The following ATP5MJ variants were observed in gnomAD, a reference collection of about 807,000 sequenced individuals.
ATP5MJ encodes ATP synthase membrane subunit j, also known as ATP synthase F(0) complex subunit j, mitochondrial.
A neutral mutation model predicts 8.3 loss-of-function variants in ATP5MJ; 4 were observed. The ratio of observed to expected loss-of-function variants is 0.48; its 90% confidence interval spans 0.24 to 1.11. The LOEUF is 1.11. Ranked by LOEUF, ATP5MJ falls within the 50% of genes least tolerant of loss-of-function variation. The pLI is 0.18. For synonymous variants in ATP5MJ, 23 were observed against 21.3 expected (o/e 1.08, Z -0.23); for missense variants, 66 against 71.8 (o/e 0.92, Z 0.29).
rs1048273278 is a variant in ATP5MJ at position 103,921,067 on chromosome 14, G to A, written c.-1+403C>T. ...CATGTACAGCATAACGTGGAGGGCA[G>A]TGTGGCGCAAGGAAACTTGAGTTAT... On this transcript the variant is annotated intron_variant, in intron 1 of 3. Coordinates refer to ENST00000286953, the MANE Select transcript of ATP5MJ (RefSeq NM_004894.3). The A allele has an allele frequency of 2.6e-6, 4 of 1,545,188 alleles. No individual in the cohort carries two copies. The African/African-American group carries it at 5.5e-5, about 21-fold the overall frequency.
intron 1 of ATP5MJ, among the ~76,000 whole-genome samples, chr14:103,916,321 G>A (rs780325287): frequency 6.6e-6 from 1 of 152,122 alleles, no homozygotes; most frequent in African/African-American, 2.4e-5. Context: ...ACTATAGACC[G>A]CAAATTAGAT....
chr14:103,912,829 A>T, intron 3 of ATP5MJ, 135 bp from the exon 4 acceptor site: 1 of 840,728 alleles, frequency 1.2e-6, no homozygotes, highest in Non-Finnish European at 1.9e-6. Context: ...ACTATTGAAA[A>T]GTAGGATTAT....
intron 1 of ATP5MJ, chr14:103,921,086 G>T: frequency 6.7e-7 from 1 of 1,500,296 alleles, no homozygotes; most frequent in South Asian, 1.2e-5. Context: ...AAGGAAACTT[G>T]AGTTATAAAG....
intron 1 of ATP5MJ, chr14:103,920,955 G>A: frequency 6.4e-7 from 1 of 1,551,434 alleles, no homozygotes; most frequent in South Asian, 1.2e-5. Flanking sequence ...ACTGGAAATG[G>A]GAAATGTCTG....
Position 103,917,458 on chromosome 14 carries a change from C to CTT in ATP5MJ, c.1-2271_1-2270dup, listed in dbSNP as rs11397437. ...TAAAACTGTTCTCTAAATTTAACAACTTTTTTTTTTTTTGCTTTAGGGTTT... is the reference window on the plus strand; with the variant it reads ...TAAAACTGTTCTCTAAATTTAACAACTTTTTTTTTTTTTTTGCTTTAGGGTTT... On this transcript the variant is annotated intron_variant, in intron 1 of 3. Transcript: ENST00000286953. 5.7e-3 allele frequency among the ~76,000 whole-genome samples: 829 copies of CTT among 146,498 alleles called. 9 individuals are homozygous for CTT. The highest frequency in any genetic ancestry group is 0.019 in the African/African-American group (784 of 40,450).
At chr14:103,919,835 C>CTT (rs568792205) in intron 1 of ATP5MJ, among the ~76,000 whole-genome samples, 2 of 145,564 alleles carry the variant, frequency 1.4e-5, no homozygotes, top group Admixed American at 6.8e-5. Flanking sequence ...AGGGCCCCCC[C>CTT]TTTTTTTTTT....
intron 3 of ATP5MJ, chr14:103,913,319 CA>C (rs201166675): frequency 0.03 from 3,826 of 126,924 alleles, 74 homozygotes; most frequent in East Asian, 0.073. Context: ...GACTCTGTCT[CA>C]AAAAAAAAAA....
intron 1 of ATP5MJ, among the ~76,000 whole-genome samples, chr14:103,918,393 G>C (rs1408239578): frequency 6.6e-6 from 1 of 151,144 alleles, no homozygotes; most frequent in Non-Finnish European, 1.5e-5. Context: ...ACGGAGTCTC[G>C]CTCTGTCACC....
intron 1 of ATP5MJ, among the ~76,000 whole-genome samples, chr14:103,917,016 A>G (rs1343229418): frequency 6.6e-6 from 1 of 152,162 alleles, no homozygotes; most frequent in Non-Finnish European, 1.5e-5. Flanking sequence ...CACTTGGCAA[A>G]TGTGCACTGA....
intron 1 of ATP5MJ, among the ~76,000 whole-genome samples, chr14:103,917,299 A>ATG (rs1371993160): frequency 5.3e-5 from 8 of 152,182 alleles, no homozygotes; most frequent in African/African-American, 1.9e-4. Flanking sequence ...GAATAACTCT[A>ATG]TGTCAAATGT....
chr14:103,914,895 A>AATG, intron 2 of ATP5MJ, 171 bp downstream of exon 2: 1 of 738,632 alleles, frequency 1.4e-6, no homozygotes, highest in Non-Finnish European at 2.1e-6. Flanking sequence ...ACTGTCCCCA[A>AATG]ATGTCTTTTA....
intron 2 of ATP5MJ, 199 bp from the exon 3 acceptor site, chr14:103,914,183 G>C: frequency 1.7e-6 from 1 of 595,984 alleles, no homozygotes; most frequent in Non-Finnish European, 2.9e-6. Context: ...TTTCAAATTT[G>C]CAGGGCTCCT....
intron 3 of ATP5MJ, chr14:103,913,472 G>A (rs926050615): frequency 4.4e-5 from 8 of 181,010 alleles, no homozygotes; most frequent in Middle Eastern, 2.2e-3. Flanking sequence ...TTAGCCAGGC[G>A]TGGCGGCAGG....
intron 1 of ATP5MJ, chr14:103,921,044 T>G: frequency 6.4e-7 from 1 of 1,551,542 alleles, no homozygotes; most frequent in Non-Finnish European, 8.7e-7. Flanking sequence ...CAAGTTGTCA[T>G]GTACAGCATA....
chr14:103,920,967 C>T (rs2087672884), intron 1 of ATP5MJ: 1 of 1,551,684 alleles, frequency 6.4e-7, no homozygotes, highest in Non-Finnish European at 8.7e-7. Context: ...AAATGTCTGA[C>T]CCGCGAGTTC....
intron 1 of ATP5MJ, chr14:103,918,196 GT>G (rs1333015121): frequency 6.6e-6 from 1 of 152,312 alleles, no homozygotes; most frequent in African/African-American, 2.4e-5. Flanking sequence ...CAGACTAGGA[GT>G]TCAGAGGCAT....
chr14:103,919,869 C>T (rs1233065456), intron 1 of ATP5MJ, among the ~76,000 whole-genome samples: 1 of 151,452 alleles, frequency 6.6e-6, no homozygotes, highest in East Asian at 1.9e-4. Context: ...AGTTGGTCAT[C>T]AGGCTGGAGT....
rs2087679256 is a variant in ATP5MJ, at chr14:103,921,527, G to A, written c.-58C>T. ...ACAAATCTGCAGCCAACTCGGAAAG[G>A]TCACCGAGCGCGCAGGCGCGCGCAG... On this transcript the variant is annotated 5_prime_UTR_variant, in exon 1 of 4. Transcript: ENST00000286953. The A allele has an allele frequency of 2.6e-5, 4 of 153,358 alleles. No individual in the cohort carries two copies. Among genetic ancestry groups the A allele is most frequent in the Admixed American group, 1.9e-4 (3 of 15,442 alleles). 9.5% of individuals were successfully genotyped at this position (153,358 alleles called of 1,614,324 possible). A position where few individuals can be genotyped will look rare whatever the true frequency, so the allele number is the denominator to read the frequency against.
chr14:103,914,634 CTACAAAAAAAAAAAG>C (rs1422738293), intron 2 of ATP5MJ: 4 of 570,916 alleles, frequency 7.0e-6, no homozygotes, highest in South Asian at 2.3e-5. Flanking sequence ...AACCCCATCT[CTACAAAAAAAAAAAG>C]TACAAAAAAA....
Sources: allele counts gnomAD v4.1 joint callset (sites outside exome capture counted in the v4.1 genomes callset), GRCh38; gene constraint gnomAD v4.1.1; transcripts MANE v1.5; gene names NCBI Gene and HGNC (gene_info 2026-07-23, HGNC 2026-07-21).